FSTL5: variants seen among roughly 807,000 people sequenced by gnomAD.
FSTL5 encodes the protein follistatin-related protein 5.
FSTL5 carries 62 observed loss-of-function variants against 89.1 expected under a neutral mutation model. The observed-to-expected ratio is 0.70, with a 90% CI of 0.57 to 0.86. The LOEUF is 0.86. FSTL5 is among the 40% of genes least tolerant of loss of function. FSTL5 has a pLI of 0.00. For missense variants in FSTL5, 1,057 were observed against 1,001.6 expected (o/e 1.06, Z -0.75); for synonymous variants, 383 against 346.2 (o/e 1.11, Z -1.18).
intron 9 of FSTL5, among the ~76,000 whole-genome samples, chr4:161,538,654 CTAA>C (rs1240202571): frequency 6.6e-6 from 1 of 151,986 alleles, no homozygotes; most frequent in Non-Finnish European, 1.5e-5. Flanking sequence ...TTTCAGAAAT[CTAA>C]TAATAGCAAT....
chr4:161,523,066 A>C (rs541358537), intron 10 of FSTL5, among the ~76,000 whole-genome samples: 3 of 152,266 alleles, frequency 2.0e-5, no homozygotes, highest in African/African-American at 7.2e-5. Context: ...ATTTTATAAC[A>C]TTGGATCCAC....
chr4:161,556,811 T>C (rs1286222814), intron 8 of FSTL5, among the ~76,000 whole-genome samples: 1 of 148,912 alleles, frequency 6.7e-6, no homozygotes, highest in Non-Finnish European at 1.5e-5. Flanking sequence ...TATTTCTCGG[T>C]AAAAGATTAT....
chr4:161,977,428 C>T (rs140157661), intron 3 of FSTL5, among the ~76,000 whole-genome samples: 29 of 151,364 alleles, frequency 1.9e-4, no homozygotes, highest in Middle Eastern at 3.4e-3. Flanking sequence ...CTGCCTAACA[C>T]GATGAAACCC....
chr4:161,556,765 G>T (rs1424061051), intron 8 of FSTL5, among the ~76,000 whole-genome samples: 1 of 149,458 alleles, frequency 6.7e-6, no homozygotes, highest in Non-Finnish European at 1.5e-5. Context: ...AGATTTAGCG[G>T]GTTATAGTCA....
chr4:161,992,937 T>C (rs1476040163), intron 3 of FSTL5, among the ~76,000 whole-genome samples: 2 of 14,254 alleles, frequency 1.4e-4, no homozygotes, highest in Non-Finnish European at 5.2e-4. Flanking sequence ...TGTGTATATA[T>C]ATATGTGTGT....
chr4:161,957,713 A>G (rs1441613907), intron 3 of FSTL5, among the ~76,000 whole-genome samples: 3 of 152,066 alleles, frequency 2.0e-5, no homozygotes, highest in African/African-American at 7.2e-5. Context: ...TTTTGTTTTA[A>G]TTTTATTAGC....
chr4:162,051,970 TA>T (rs1359874413), intron 2 of FSTL5, among the ~76,000 whole-genome samples: 2 of 151,280 alleles, frequency 1.3e-5, no homozygotes, highest in African/African-American at 4.8e-5. Flanking sequence ...GAAAAAGAAA[TA>T]AAAAATATAA....
At chr4:161,564,656 G>A (rs916526582) in intron 8 of FSTL5, among the ~76,000 whole-genome samples, 2 of 151,198 alleles carry the variant, frequency 1.3e-5, no homozygotes, top group Non-Finnish European at 3.0e-5. Flanking sequence ...ATTAATACAT[G>A]ATAATTACTG....
intron 6 of FSTL5, among the ~76,000 whole-genome samples, chr4:161,677,026 G>T (rs1054791507): frequency 6.6e-6 from 1 of 151,822 alleles, no homozygotes; most frequent in Non-Finnish European, 1.5e-5. Flanking sequence ...GAATCTATAT[G>T]TACAATTCCC....
chr4:161,505,900 C>A (rs1428653124), intron 11 of FSTL5, among the ~76,000 whole-genome samples: 3 of 152,092 alleles, frequency 2.0e-5, no homozygotes, highest in Non-Finnish European at 2.9e-5. Flanking sequence ...GAAATAACAA[C>A]AGGTTGATTG....
At chr4:162,024,494 C>A (rs1032893822) in intron 3 of FSTL5, among the ~76,000 whole-genome samples, 7 of 152,128 alleles carry the variant, frequency 4.6e-5, no homozygotes, top group Admixed American at 2.0e-4. Context: ...ATTACCTTTT[C>A]TTTTTCTGAA....
chr4:161,403,515 T>C (rs558973718), intron 15 of FSTL5, among the ~76,000 whole-genome samples: 1 of 152,342 alleles, frequency 6.6e-6, no homozygotes, highest in Admixed American at 6.5e-5. Context: ...TCTGCTTTTA[T>C]GCTATTGTTA....
At chr4:161,978,397 T>C (rs1578912377) in intron 3 of FSTL5, among the ~76,000 whole-genome samples, 1 of 152,152 alleles carries the variant, frequency 6.6e-6, no homozygotes. Context: ...GACATAACTT[T>C]TTTTTGTTGT....
At chr4:161,792,441 C>G (rs945036404) in intron 4 of FSTL5, among the ~76,000 whole-genome samples, 2 of 152,104 alleles carry the variant, frequency 1.3e-5, no homozygotes, top group Non-Finnish European at 2.9e-5. Flanking sequence ...GGTGAAACCC[C>G]ACCTTCAACC....
intron 4 of FSTL5, among the ~76,000 whole-genome samples, chr4:161,815,648 T>A (rs1293546509): frequency 1.3e-5 from 2 of 152,122 alleles, no homozygotes; most frequent in East Asian, 3.8e-4. Context: ...ATAAGTTAAG[T>A]CAGTAGTTAT....
rs141443347 is a variant in FSTL5 at position 161,846,456 on chromosome 4, C to A, written c.410-70382G>T. 8.1e-3 allele frequency among the ~76,000 whole-genome samples: 1,234 copies of A among 152,022 alleles called. 13 individuals are homozygous for A. The highest frequency in any genetic ancestry group is 0.021 in the Middle Eastern group (6 of 288). On this transcript the variant is annotated intron_variant, in intron 4 of 15. Transcript: ENST00000306100. Reference sequence around the variant, plus strand: ...TACGAGTTAAGATAACATCTTGAGGCATTTATACAGTTTTACAGGTACCTA... The same window carrying A: ...TACGAGTTAAGATAACATCTTGAGGAATTTATACAGTTTTACAGGTACCTA...
At chr4:161,694,242 A>T (rs970753419) in intron 6 of FSTL5, among the ~76,000 whole-genome samples, 4 of 152,162 alleles carry the variant, frequency 2.6e-5, no homozygotes, top group Non-Finnish European at 4.4e-5. Context: ...AGAGAAAGAA[A>T]TAATGTTTTC....
chr4:161,892,214 T>G (rs1382272996), intron 4 of FSTL5, among the ~76,000 whole-genome samples: 3 of 152,002 alleles, frequency 2.0e-5, no homozygotes, highest in Admixed American at 2.0e-4. Context: ...CGACAATAAA[T>G]AACTTGCTTT....
chr4:161,971,342 G>A lies in FSTL5; in HGVS notation c.161-50690C>T, dbSNP rs573015797. On this transcript the variant is annotated intron_variant, in intron 3 of 15. Transcript: ENST00000306100. ...CTACTTTAAAATATCAGAAATTTAT[G>A]TTACAAATCCCATAGTAAAGTATTC... Among the ~76,000 whole-genome samples, 54 of 152,094 alleles carry A rather than the reference G, an allele frequency of 3.6e-4. 1 individual carries two copies. The highest frequency in any genetic ancestry group is 1.0e-3 in the African/African-American group (42 of 41,526).
Sources: gnomAD v4.1 joint callset for allele counts (sites outside exome capture counted in the v4.1 genomes callset) on GRCh38, gnomAD v4.1.1 for gene constraint, MANE v1.5 for transcripts, NCBI Gene and HGNC (gene_info 2026-07-23, HGNC 2026-07-21) for gene names.